Variants in LRWD1 observed in about 807,000 individuals in gnomAD.
The protein encoded by LRWD1 is leucine-rich repeat and WD repeat-containing protein 1.
A neutral mutation model predicts 75.6 loss-of-function variants in LRWD1; 76 were observed. That is an observed-to-expected ratio of 1.01 (90% CI 0.84 to 1.22). LRWD1 has a LOEUF of 1.22. Among genes scored for constraint, LRWD1 ranks in the 50% most tolerant of loss-of-function variants. The pLI is 0.00. For missense variants in LRWD1, 917 were observed against 862.0 expected (o/e 1.06, Z -0.80); for synonymous variants, 487 against 377.0 (o/e 1.29, Z -3.38).
At chr7:102,466,697 T>C (rs895052583) in intron 3 of LRWD1, among the ~76,000 whole-genome samples, 1 of 150,428 alleles carries the variant, frequency 6.6e-6, no homozygotes, top group Non-Finnish European at 1.5e-5. Flanking sequence ...GGATTACAGG[T>C]ATGAGTCACC....
intron 3 of LRWD1, 102 bp from the exon 4 acceptor site, chr7:102,467,237 G>A (rs1026757059): frequency 8.2e-7 from 1 of 1,213,922 alleles, no homozygotes; most frequent in Non-Finnish European, 1.2e-6. Flanking sequence ...GTGATTCCAG[G>A]AGGCTTCCAG....
At position 102,468,257 on chromosome 7, in the gene LRWD1, CCACAGCCTG is replaced by C; in HGVS notation, c.805-4_809del. ...GGGCAGCTGTGACCCTTCTCTCCCC[CCACAGCCTG>C]CTGTGAAGCTGGAGCCCCTGCACTT... is the stretch of plus-strand genomic sequence containing the variant. On this transcript the variant is annotated splice_acceptor_variant and splice_polypyrimidine_tract_variant and coding_sequence_variant and intron_variant, in exon 7 of 15. Transcript: ENST00000292616. LOFTEE classifies it high-confidence loss of function. 4 of 1,605,208 alleles carry C rather than the reference CCACAGCCTG, an allele frequency of 2.5e-6. No homozygotes were observed. Among genetic ancestry groups the C allele is most frequent in the Non-Finnish European group, 3.4e-6 (4 of 1,176,668 alleles).
chr7:102,473,041 A>G lies in LRWD1; in HGVS notation c.1936A>G (p.Arg646Gly). 6.2e-7 allele frequency: 1 copy of G among 1,612,054 alleles called. No homozygotes were observed. Among genetic ancestry groups the G allele is most frequent in the Non-Finnish European group, 8.5e-7 (1 of 1,179,162 alleles). ...CTCCAACATCGTAGCCATCTGGGGGAGGATGTAGCCTCACACCATCGCAAA... is the reference window on the plus strand; with the variant it reads ...CTCCAACATCGTAGCCATCTGGGGGGGGATGTAGCCTCACACCATCGCAAA... ...TDSNIVAIWG[R>G]M is the part of the protein sequence containing the mutation. The change falls in exon 15 of 15, where the codon AGG becomes GGG. Residue 646 changes from arginine to glycine, a missense_variant. By Grantham distance (125) the Arg-to-Gly change is moderately radical (BLOSUM62 -2). Coordinates refer to ENST00000292616, the MANE Select transcript of LRWD1 (RefSeq NM_152892.3).
chr7:102,469,093 C>T, intron 9 of LRWD1, 31 bp downstream of exon 9: 1 of 1,545,388 alleles, frequency 6.5e-7, no homozygotes, highest in Non-Finnish European at 8.8e-7. Flanking sequence ...CCTGGGACCC[C>T]CAAGCACCCC....
chr7:102,471,902 G>A, intron 11 of LRWD1: 1 of 331,866 alleles, frequency 3.0e-6, no homozygotes, highest in Non-Finnish European at 5.8e-6. Context: ...GGAGGCCCCT[G>A]TTCATCTCAC....
In LRWD1 at chr7:102,469,844, C is replaced by T. The variant is rs1798133470; in HGVS notation, c.1404C>T (p.Cys468=). Residue 468 remains cysteine (C), a synonymous_variant, in exon 11 of 15, where the codon TGC becomes TGT. Transcript: ENST00000292616. ...TGGCCGGCTGCGAGGGCGGCTGCTG[C>T]TGCTGGGACGTGCGGCTGGACCAGC... ...RLLAGCEGGC[C]CWDVRLDQPQ... 6.2e-7 allele frequency: 1 copy of T among 1,601,662 alleles called. No homozygotes were observed. The highest frequency in any genetic ancestry group is 8.5e-7 in the Non-Finnish European group (1 of 1,175,104).
chr7:102,472,879 C>A lies in LRWD1; in HGVS notation c.1804-30C>A, dbSNP rs747252032. 8.7e-6 allele frequency: 14 copies of A among 1,611,724 alleles called. No individual in the cohort carries two copies. In the South Asian group the frequency reaches 1.5e-4, roughly 18 times the overall value. Reference sequence around the variant, plus strand: ...GCCCTGCCTTTGGTCAGCAGGAGCCCAGCCCAGCCCTCCCCTCTCTCCCCA... The same window carrying A: ...GCCCTGCCTTTGGTCAGCAGGAGCCAAGCCCAGCCCTCCCCTCTCTCCCCA... On this transcript the variant is annotated intron_variant, in intron 14 of 14. Transcript: ENST00000292616.
In LRWD1 at chr7:102,465,818, C is replaced by T. The variant is rs147183285; in HGVS notation, c.82C>T (p.Leu28=). ...DRLGKIRSLD[L]SGLELLSEHL... is the part of the protein sequence containing the mutation. ...TAAGCCTTCTGCCCCCAACTCCAGCCTGTCAGGATTGGAGCTGCTTTCCGA... is the reference window on the plus strand; with the variant it reads ...TAAGCCTTCTGCCCCCAACTCCAGCTTGTCAGGATTGGAGCTGCTTTCCGA... The change falls in exon 2 of 15, where the codon CTG becomes TTG. Residue 28 remains leucine (L), a splice_region_variant and synonymous_variant. Transcript: ENST00000292616. 6.2e-7 allele frequency: 1 copy of T among 1,612,654 alleles called. No homozygotes were observed. The highest frequency in any genetic ancestry group is 1.7e-5 in the Admixed American group (1 of 59,992).
At chr7:102,468,439 G>A (rs1007956715) in intron 7 of LRWD1, 62 bp downstream of exon 7, 97 of 1,542,450 alleles carry the variant, frequency 6.3e-5, no homozygotes, top group Non-Finnish European at 8.5e-5. Context: ...GGATGGGTGG[G>A]GGATCAGGAG....
rs538582012 is a variant in LRWD1 at position 102,470,146 on chromosome 7, C to T, written c.1442+264C>T. On this transcript the variant is annotated intron_variant, in intron 11 of 14. Transcript: ENST00000292616. ...GGGCTTCAGCACCATGCTGTGCCCA[C>T]GTGATCCAGCCCACTCCTGCCACTC... 8.7e-5 allele frequency: 39 copies of T among 448,226 alleles called. No individual in the cohort carries two copies. In the Middle Eastern group the frequency reaches 1.7e-3, roughly 19 times the overall value. The allele number at this position is 448,226 out of a possible 1,614,324, so 27.8% of individuals were successfully genotyped here. A position where few individuals can be genotyped will look rare whatever the true frequency, so the allele number is the denominator to read the frequency against.
intron 9 of LRWD1, 103 bp downstream of exon 9, chr7:102,469,165 C>G (rs1586741003): frequency 2.9e-6 from 3 of 1,042,550 alleles, no homozygotes; most frequent in East Asian, 5.3e-5. Context: ...GCTCGGGCGC[C>G]TGCCGGGCCC....
In LRWD1 at chr7:102,468,330, T is replaced by TC. The variant is rs1397527849; in HGVS notation, c.873dup (p.Glu292ArgfsTer34). The TC allele has an allele frequency of 6.2e-7, 1 of 1,612,322 alleles. No homozygotes were observed. Among genetic ancestry groups the TC allele is most frequent in the Non-Finnish European group, 8.5e-7 (1 of 1,179,554 alleles). ...AGCAAGAACAACAGCCCCCAGGACC[T>TC]CGAGACCCAGCTGTGGGCCTGTGCC... On this transcript the variant is annotated frameshift_variant, in exon 7 of 15. Coordinates refer to ENST00000292616, the MANE Select transcript of LRWD1 (RefSeq NM_152892.3). LOFTEE classifies it high-confidence loss of function.
intron 1 of LRWD1, 101 bp from the exon 2 acceptor site, chr7:102,465,716 A>G: frequency 1.2e-6 from 1 of 822,782 alleles, no homozygotes; most frequent in Non-Finnish European, 2.0e-6. Context: ...CTACACTTGT[A>G]CGAGAAATGT....
chr7:102,470,052 G>C, intron 11 of LRWD1, 170 bp downstream of exon 11: 1 of 854,410 alleles, frequency 1.2e-6, no homozygotes, highest in South Asian at 2.0e-5. Flanking sequence ...CTGGAGGAAA[G>C]GACTCTGACC....
At position 102,468,617 on chromosome 7, in the gene LRWD1, C is replaced by T. The variant is rs539926870; in HGVS notation, c.983C>T (p.Thr328Met). 4.6e-5 allele frequency: 73 copies of T among 1,576,506 alleles called. No homozygotes were observed. In the Middle Eastern group the frequency reaches 8.3e-4, roughly 18 times the overall value. Residue 328 changes from threonine to methionine, a missense_variant, in exon 8 of 15, where the codon ACG becomes ATG. Thr to Met is a moderately conservative substitution (Grantham distance 81). Transcript: ENST00000292616. ...GCTGTGTGCGTAATTGATTGCCAGA[C>T]GGGCATCGTGCTCCACAAGTACAAG... ...GEAVCVIDCQ[T>M]GIVLHKYKAP...
chr7:102,467,859 G>A, intron 5 of LRWD1, 36 bp downstream of exon 5: 2 of 1,543,650 alleles, frequency 1.3e-6, no homozygotes, highest in Non-Finnish European at 1.8e-6. Context: ...GGCCAGCCCA[G>A]TCCCTCCTCC....
intron 11 of LRWD1, chr7:102,471,466 A>AGGT (rs1173847305): frequency 6.5e-6 from 1 of 154,558 alleles, no homozygotes; most frequent in East Asian, 1.9e-4. Flanking sequence ...TTGGCGGCAG[A>AGGT]GGTGGTGGCG....
At chr7:102,469,160 G>C (rs949985581) in intron 9 of LRWD1, 98 bp downstream of exon 9, 3 of 1,143,082 alleles carry the variant, frequency 2.6e-6, no homozygotes, top group African/African-American at 1.6e-5. Flanking sequence ...TGTGAGCTCG[G>C]GCGCCTGCCG....
intron 1 of LRWD1, 146 bp from the exon 2 acceptor site, chr7:102,465,671 C>G (rs777390396): frequency 7.8e-6 from 5 of 644,194 alleles, no homozygotes; most frequent in Non-Finnish European, 1.4e-5. Flanking sequence ...CACCCCGTCT[C>G]TAAAAATAAA....
Sources: gnomAD v4.1 joint callset for allele counts (sites outside exome capture counted in the v4.1 genomes callset) on GRCh38, gnomAD v4.1.1 for gene constraint, MANE v1.5 for transcripts, NCBI Gene and HGNC (gene_info 2026-07-23, HGNC 2026-07-21) for gene names.